Variants in GLB1L observed in about 807,000 individuals in gnomAD.
GLB1L encodes beta-galactosidase-1-like protein.
A neutral mutation model predicts 75.7 loss-of-function variants in GLB1L; 58 were observed. The ratio of observed to expected loss-of-function variants is 0.77; its 90% CI spans 0.62 to 0.95. GLB1L has a LOEUF of 0.95. GLB1L is among the 40% of genes least tolerant of loss of function. The probability of loss-of-function intolerance (pLI) is 0.00; values close to 1 mark genes in which losing one functional copy is unlikely to be tolerated. For missense variants in GLB1L, 797 were observed against 805.5 expected, an observed-to-expected ratio of 0.99 and a Z score of 0.13; for synonymous variants, 296 against 303.0, an observed-to-expected ratio of 0.98 and a Z score of 0.24.
In GLB1L at chr2:219,243,229, A is replaced by AGGCTGCCAGACACATAGCGGAACG; in HGVS notation, c.134_157dup (p.Pro45_Ser52dup). ...CACCCGCGGTACCCGAAAGTAGTGC[A>AGGCTGCCAGACACATAGCGGAACG]GGCTGCCAGACACATAGCGGAACGG... On this transcript the variant is annotated inframe_insertion, in exon 3 of 17. Transcript: ENST00000295759. 1 of 1,614,150 alleles carries AGGCTGCCAGACACATAGCGGAACG rather than the reference A, an allele frequency of 6.2e-7. No individual in the cohort carries two copies.
intron 1 of GLB1L, chr2:219,244,002 A>AGGGTGGGGGTGG (rs1244981717): frequency 4.4e-4 from 8 of 18,284 alleles, no homozygotes; most frequent in African/African-American, 1.4e-3. Context: ...AGCTACTCCG[A>AGGGTGGGGGTGG]GGGTGGGGGT....
chr2:219,242,078 C>T (rs1951406930), intron 5 of GLB1L, among the ~76,000 whole-genome samples: 1 of 152,152 alleles, frequency 6.6e-6, no homozygotes, highest in African/African-American at 2.4e-5. Context: ...ACCTCTGACC[C>T]CCGGGCCCAA....
rs543827462 is a variant in GLB1L at position 219,243,649 on chromosome 2, C to T, written c.-70-6G>A. 32 of 1,487,930 alleles carry T rather than the reference C, an allele frequency of 2.2e-5. 1 individual carries two copies. In the Admixed American group the frequency reaches 5.1e-4, roughly 24 times the overall value. The allele number at this position is 1,487,930 out of a possible 1,614,324, so 92.2% of individuals were successfully genotyped here. On this transcript the variant is annotated splice_polypyrimidine_tract_variant and splice_region_variant and intron_variant, in intron 1 of 16. Transcript: ENST00000295759. Reference sequence around the variant, plus strand: ...TCGGATTCCTGGGAGGGAACCTCAGCGAGCAAGGGGGCGGAAACCACCTCA... The same window carrying T: ...TCGGATTCCTGGGAGGGAACCTCAGTGAGCAAGGGGGCGGAAACCACCTCA...
At chr2:219,238,184 C>CTT in intron 14 of GLB1L, 66 bp downstream of exon 14, 1 of 1,242,484 alleles carries the variant, frequency 8.0e-7, no homozygotes, top group East Asian at 2.3e-5. Flanking sequence ...ATATGGGGAA[C>CTT]TTAAGGCTAA....
rs1382897637 is a variant in GLB1L, at chr2:219,241,442, G to GTGTATA, written c.451+1071_451+1072insTATACA. Among the ~76,000 whole-genome samples, 75 of 82,898 alleles carry GTGTATA rather than the reference G, an allele frequency of 9.0e-4. 1 individual carries two copies. The highest frequency in any genetic ancestry group is 4.1e-3 in the South Asian group (8 of 1,938). 54.4% of individuals were successfully genotyped at this position (82,898 alleles called of 152,430 possible). A position where few individuals can be genotyped will look rare whatever the true frequency, so the allele number is the denominator to read the frequency against. On this transcript the variant is annotated intron_variant, in intron 5 of 16. Transcript: ENST00000295759. ...TGTGTGTGTGTGTGTGTGTGTGTGT[G>GTGTATA]TATATATATATATATATATATATAC...
At chr2:219,238,619 G>T (rs1951312250) in intron 12 of GLB1L, 35 bp from the exon 13 acceptor site, 3 of 1,601,018 alleles carry the variant, frequency 1.9e-6, no homozygotes, top group African/African-American at 2.7e-5. Flanking sequence ...AGAATATCAG[G>T]GAAGTTTCTG....
intron 5 of GLB1L, 99 bp from the exon 6 acceptor site, chr2:219,240,384 C>T (rs1046532232): frequency 7.4e-6 from 7 of 950,504 alleles, no homozygotes; most frequent in African/African-American, 1.6e-5. Flanking sequence ...ATTCCCAACC[C>T]TAAGCACCTT....
intron 3 of GLB1L, 107 bp from the exon 4 acceptor site, chr2:219,243,025 G>A (rs774833813): frequency 1.9e-5 from 29 of 1,554,534 alleles, no homozygotes; most frequent in Non-Finnish European, 2.5e-5. Flanking sequence ...AGGAGGTCCT[G>A]GCCTGCCCTT....
rs779119609 is a variant in GLB1L, at chr2:219,237,775, T to C, written c.1474-48A>G. 7 of 1,612,906 alleles carry C rather than the reference T, an allele frequency of 4.3e-6. No homozygotes were observed. In the South Asian group the frequency reaches 7.7e-5, roughly 18 times the overall value. ...GTCATCATTCACTAAGCTTTGAAGC[T>C]AAGTTATCCTTAATCAAGCCCTGGG... On this transcript the variant is annotated intron_variant, in intron 15 of 16. Transcript: ENST00000295759.
chr2:219,244,789 A>T (rs1386493310), intron 1 of GLB1L, among the ~76,000 whole-genome samples: 1 of 152,218 alleles, frequency 6.6e-6, no homozygotes, highest in African/African-American at 2.4e-5. Context: ...TCCATGAGGT[A>T]GATAATTATT....
chr2:219,239,313 G>T, intron 10 of GLB1L, 98 bp downstream of exon 10: 1 of 1,466,946 alleles, frequency 6.8e-7, no homozygotes. Flanking sequence ...GGGCAGAGGT[G>T]GCCATATTCA....
chr2:219,241,686 T>C (rs1230512811), intron 5 of GLB1L, among the ~76,000 whole-genome samples: 2 of 151,574 alleles, frequency 1.3e-5, no homozygotes, highest in Non-Finnish European at 2.9e-5. Flanking sequence ...CTGGGGCCAA[T>C]TGTGTAGGAC....
chr2:219,242,372 T>C, intron 5 of GLB1L, 142 bp downstream of exon 5: 1 of 748,836 alleles, frequency 1.3e-6, no homozygotes, highest in South Asian at 1.4e-5. Context: ...TCCCCCAGTT[T>C]CTAGCATCCT....
chr2:219,237,323 T>A lies in GLB1L; in HGVS notation c.1714A>T (p.Asn572Tyr). Reference sequence around the variant, plus strand: ...TGCTTTGTCCAGTACCGGCCCAAGTTAAACCCATTGATCCAGACTTGGCCC... The same window carrying A: ...TGCTTTGTCCAGTACCGGCCCAAGTAAAACCCATTGATCCAGACTTGGCCC... Reference protein sequence around the residue: ...TKGQVWINGFNLGRYWTKQGP... With the variant: ...TKGQVWINGFYLGRYWTKQGP... Residue 572 changes from asparagine (N) to tyrosine (Y), a missense_variant, in exon 17 of 17, where the codon AAC becomes TAC. By Grantham distance (143) the Asn-to-Tyr change is moderately radical. Transcript: ENST00000295759. 1 of 1,613,918 alleles carries A rather than the reference T, an allele frequency of 6.2e-7. No individual in the cohort carries two copies. Among genetic ancestry groups the A allele is most frequent in the East Asian group, 2.2e-5 (1 of 44,886 alleles).
intron 10 of GLB1L, 90 bp from the exon 11 acceptor site, chr2:219,239,300 A>C: frequency 6.8e-7 from 1 of 1,460,080 alleles, no homozygotes; most frequent in South Asian, 1.2e-5. Context: ...TTGCCATCAG[A>C]GGGGGCAGAG....
chr2:219,239,226 T>C lies in GLB1L; in HGVS notation c.944-16A>G. 1.3e-6 allele frequency: 2 copies of C among 1,580,820 alleles called. No homozygotes were observed. The highest frequency in any genetic ancestry group is 1.7e-6 in the Non-Finnish European group (2 of 1,153,396). ...TTATCGGCACCTGAAGTTGAGCCAA[T>C]TTAATTAATTCAACATGTATTTCAG... On this transcript the variant is annotated splice_polypyrimidine_tract_variant and intron_variant, in intron 10 of 16. Transcript: ENST00000295759.
At chr2:219,243,983 T>TAA (rs1951464019) in intron 1 of GLB1L, 1 of 121,818 alleles carries the variant, frequency 8.2e-6, no homozygotes, top group African/African-American at 3.1e-5. Context: ...GGCACGCGCC[T>TAA]GTATTCCAAG....
In GLB1L at chr2:219,239,651, TC is replaced by T. The variant is rs1559264919; in HGVS notation, c.811del (p.Asp271IlefsTer15). ...VNSEYYTGWLDYWGQNHSTRS... is the reference protein window; with the variant it reads ...VNSEYYTGWLXYWGQNHSTRS... Reference sequence around the variant, plus strand: ...TGTGGAGTGATTCTGGCCCCAGTAATCCAGCCAGCCTGTGTAGTACTCAGAG... The same window carrying T: ...TGTGGAGTGATTCTGGCCCCAGTAATCAGCCAGCCTGTGTAGTACTCAGAG... On this transcript the variant is annotated frameshift_variant, in exon 9 of 17. Transcript: ENST00000295759. LOFTEE classifies it high-confidence loss of function. The T allele has an allele frequency of 1.9e-6, 3 of 1,614,186 alleles. No individual in the cohort carries two copies. The South Asian group carries it at 3.3e-5, about 18-fold the overall frequency.
chr2:219,238,430 G>A, intron 13 of GLB1L, 65 bp downstream of exon 13: 3 of 1,567,342 alleles, frequency 1.9e-6, no homozygotes, highest in Non-Finnish European at 1.8e-6. Context: ...CTATAGCCAA[G>A]GAACTTTTGC....
Sources: allele counts gnomAD v4.1 joint callset (sites outside exome capture counted in the v4.1 genomes callset), GRCh38; gene constraint gnomAD v4.1.1; transcripts MANE v1.5; gene names NCBI Gene and HGNC (gene_info 2026-07-23, HGNC 2026-07-21).